The following NAV3 variants were observed in gnomAD, a reference collection of about 807,000 sequenced individuals.
The protein encoded by NAV3 is neuron navigator 3.
A neutral mutation model predicts 244.7 loss-of-function variants in NAV3; 87 were observed. The ratio of observed to expected loss-of-function variants is 0.36; its 90% CI spans 0.30 to 0.42. The LOEUF (loss-of-function observed/expected upper bound fraction) is 0.42. Among genes scored for constraint, NAV3 ranks in the 20% least tolerant of loss-of-function variants. The probability of loss-of-function intolerance (pLI) is 1.00; values close to 1 mark genes in which losing one functional copy is unlikely to be tolerated. For synonymous variants in NAV3, 1,126 were observed against 1,042.2 expected, an observed-to-expected ratio of 1.08 and a Z score of -1.55; for missense variants, 2,663 against 2,893.3, an observed-to-expected ratio of 0.92 and a Z score of 1.83.
chr12:77,766,735 G>GTTTGTGTTTTTTT (rs1555202961), intron 2 of NAV3, among the ~76,000 whole-genome samples: 1 of 60,516 alleles, frequency 1.7e-5, no homozygotes, highest in Non-Finnish European at 3.0e-5. Flanking sequence ...AGGCAATTAA[G>GTTTGTGTTTTTTT]TTTTTTTTTT....
intron 9 of NAV3, among the ~76,000 whole-genome samples, chr12:78,048,423 A>G (rs1323483704): frequency 6.6e-6 from 1 of 152,062 alleles, no homozygotes; most frequent in African/African-American, 2.4e-5. Flanking sequence ...TTTTGTGGAC[A>G]TTGATGCTAT....
intron 3 of NAV3, among the ~76,000 whole-genome samples, chr12:77,960,354 A>C (rs1333624756): frequency 6.6e-6 from 1 of 151,764 alleles, no homozygotes; most frequent in Non-Finnish European, 1.5e-5. Context: ...TTTATAGATC[A>C]CCTAAGTCAT....
rs1882630474 is a variant in NAV3 at position 78,050,784 on chromosome 12, A to G, written c.2153A>G (p.Asp718Gly). 6.2e-7 allele frequency: 1 copy of G among 1,602,570 alleles called. No homozygotes were observed. Among genetic ancestry groups the G allele is most frequent in the Non-Finnish European group, 8.5e-7 (1 of 1,171,490 alleles). ...GACAGCACCCTGGAGACAACATTTGACAGCACTGTGACAACAGAAGTTAAT... is the reference window on the plus strand; with the variant it reads ...GACAGCACCCTGGAGACAACATTTGGCAGCACTGTGACAACAGAAGTTAAT... Reference protein sequence around the residue: ...ISHSTLETTFDSTVTTEVNGR... With the variant: ...ISHSTLETTFGSTVTTEVNGR... Residue 718 changes from aspartate (D) to glycine (G), a missense_variant, in exon 11 of 40, where the codon GAC becomes GGC. Transcript: ENST00000397909.
chr12:77,714,621 T>C (rs531554972), intron 2 of NAV3, among the ~76,000 whole-genome samples: 21 of 152,286 alleles, frequency 1.4e-4, no homozygotes, highest in African/African-American at 5.0e-4. Flanking sequence ...ATTGTTAAAA[T>C]GTATTAGACT....
At chr12:78,036,872 G>A in intron 9 of NAV3, 2 of 691,730 alleles carry the variant, frequency 2.9e-6, no homozygotes, top group Non-Finnish European at 2.6e-6. Context: ...TCATGCAGCG[G>A]CCTGCTGAAC....
chr12:77,707,764 T>G (rs2137234717), intron 2 of NAV3, among the ~76,000 whole-genome samples: 1 of 152,344 alleles, frequency 6.6e-6, no homozygotes, highest in African/African-American at 2.4e-5. Context: ...TTAACTGGTG[T>G]GAGATGGTAT....
chr12:77,849,189 A>G (rs1019661862), intron 1 of NAV3, among the ~76,000 whole-genome samples: 1 of 152,160 alleles, frequency 6.6e-6, no homozygotes, highest in African/African-American at 2.4e-5. Flanking sequence ...GATTTGATTC[A>G]TGTTTATATC....
chr12:77,857,018 A>C (rs1292354404), intron 1 of NAV3, among the ~76,000 whole-genome samples: 1 of 152,152 alleles, frequency 6.6e-6, no homozygotes, highest in East Asian at 1.9e-4. Context: ...GTTACTTTTA[A>C]CATCAAATGC....
chr12:78,183,319 A>G (rs1005469917), intron 30 of NAV3, among the ~76,000 whole-genome samples: 1 of 152,008 alleles, frequency 6.6e-6, no homozygotes, highest in Non-Finnish European at 1.5e-5. Context: ...AGTCAACAGA[A>G]GGAGTTAGAA....
intron 2 of NAV3, among the ~76,000 whole-genome samples, chr12:77,761,986 T>C (rs910903137): frequency 6.6e-6 from 1 of 152,168 alleles, no homozygotes; most frequent in Non-Finnish European, 1.5e-5. Flanking sequence ...ACATATGTTT[T>C]TTCACAGCAC....
intron 5 of NAV3, among the ~76,000 whole-genome samples, chr12:77,969,617 T>C (rs940035553): frequency 6.6e-6 from 1 of 151,976 alleles, no homozygotes; most frequent in Non-Finnish European, 1.5e-5. Flanking sequence ...GAGGCCGAGG[T>C]GGATGTATCA....
chr12:77,825,736 T>C (rs1005042371), intron 2 of NAV3, among the ~76,000 whole-genome samples: 7 of 152,074 alleles, frequency 4.6e-5, no homozygotes, highest in Admixed American at 2.0e-4. Context: ...GAGAATCATC[T>C]TCTAACAAAA....
intron 2 of NAV3, among the ~76,000 whole-genome samples, chr12:77,659,182 A>G (rs575747331): frequency 1.3e-5 from 2 of 151,816 alleles, no homozygotes; most frequent in South Asian, 2.1e-4. Flanking sequence ...AACCCACAAA[A>G]TGGGAGAAAA....
chr12:77,779,753 G>A (rs1427031015), intron 2 of NAV3, among the ~76,000 whole-genome samples: 3 of 152,128 alleles, frequency 2.0e-5, no homozygotes, highest in African/African-American at 7.2e-5. Context: ...ATCAACATGC[G>A]AGTTCTTTTC....
intron 6 of NAV3, among the ~76,000 whole-genome samples, chr12:77,996,329 G>A (rs965974802): frequency 6.6e-6 from 1 of 152,140 alleles, no homozygotes; most frequent in African/African-American, 2.4e-5. Flanking sequence ...CCTAGCATCT[G>A]TCGTTATTAT....
intron 35 of NAV3, 44 bp downstream of exon 35, chr12:78,197,445 A>G: frequency 6.8e-7 from 1 of 1,462,898 alleles, no homozygotes; most frequent in South Asian, 1.5e-5. Context: ...TGAAATAATT[A>G]TCATCAAATT....
chr12:78,003,271 G>T (rs897505663), intron 7 of NAV3, among the ~76,000 whole-genome samples: 2 of 151,914 alleles, frequency 1.3e-5, no homozygotes, highest in Non-Finnish European at 1.5e-5. Context: ...AAAGCATTTG[G>T]TATGTTGTTG....
intron 2 of NAV3, among the ~76,000 whole-genome samples, chr12:77,645,796 T>C (rs1452823145): frequency 1.3e-5 from 2 of 152,146 alleles, no homozygotes; most frequent in Non-Finnish European, 2.9e-5. Flanking sequence ...AACCAGCTAA[T>C]GTTTCCAAGA....
At chr12:77,579,069 ATGAC>A (rs1869227342) in intron 2 of NAV3, among the ~76,000 whole-genome samples, 2 of 152,310 alleles carry the variant, frequency 1.3e-5, no homozygotes, top group South Asian at 4.1e-4. Flanking sequence ...ATGGGAAAAA[ATGAC>A]TGGCATTATA....
Sources: allele counts gnomAD v4.1 joint callset (sites outside exome capture counted in the v4.1 genomes callset), GRCh38; gene constraint gnomAD v4.1.1; transcripts MANE v1.5; gene names NCBI Gene and HGNC (gene_info 2026-07-23, HGNC 2026-07-21).